Variants in SPOCK3 observed in about 807,000 individuals in gnomAD.
SPOCK3 encodes SPARC (osteonectin), cwcv and kazal like domains proteoglycan 3, also known as testican-3.
SPOCK3 carries 30 observed loss-of-function variants against 56.6 expected under a neutral mutation model. The observed-to-expected ratio is 0.53, with a 90% CI of 0.40 to 0.72. SPOCK3 has a LOEUF of 0.72. Among genes scored for constraint, SPOCK3 ranks in the 30% least tolerant of loss-of-function variants. SPOCK3 has a pLI of 0.00. For synonymous variants in SPOCK3, 196 were observed against 183.3 expected, an observed-to-expected ratio of 1.07 and a Z score of -0.56; for missense variants, 527 against 530.0, an observed-to-expected ratio of 0.99 and a Z score of 0.06.
chr4:166,901,732 TA>T (rs1050333583), intron 5 of SPOCK3, among the ~76,000 whole-genome samples: 3 of 152,228 alleles, frequency 2.0e-5, no homozygotes, highest in Admixed American at 2.0e-4. Context: ...GTTGGATGTA[TA>T]AGGTAGATCT....
At chr4:167,162,185 A>C (rs1458854026) in intron 2 of SPOCK3, among the ~76,000 whole-genome samples, 1 of 152,058 alleles carries the variant, frequency 6.6e-6, no homozygotes, top group African/African-American at 2.4e-5. Context: ...AACCTAGCAC[A>C]AAAAAATACA....
intron 7 of SPOCK3, among the ~76,000 whole-genome samples, chr4:166,770,211 A>T (rs1431384055): frequency 2.0e-5 from 3 of 152,072 alleles, no homozygotes; most frequent in Non-Finnish European, 4.4e-5. Flanking sequence ...ACTGTCCGAT[A>T]AGCCCCAGTG....
chr4:166,960,828 C>T (rs980894314), intron 4 of SPOCK3, among the ~76,000 whole-genome samples: 2 of 152,082 alleles, frequency 1.3e-5, no homozygotes, highest in Non-Finnish European at 2.9e-5. Context: ...AGAAATCCCA[C>T]CTGGTCAGTC....
chr4:166,748,717 A>G lies in SPOCK3; in HGVS notation c.931+5791T>C, dbSNP rs1391201993. Among the ~76,000 whole-genome samples the G allele has an allele frequency of 2.2e-5, 3 of 137,342 alleles. 1 individual carries two copies. The highest frequency in any genetic ancestry group is 2.1e-4 in the Admixed American group (3 of 14,302). 90.1% of individuals were successfully genotyped at this position (137,342 alleles called of 152,430 possible). On this transcript the variant is annotated intron_variant, in intron 8 of 10. Transcript: ENST00000357545. ...AACAGGCAACCTACAGAATGGGAGA[A>G]AATTTTTGCAATCTATTCATCTGAC... is the stretch of plus-strand genomic sequence containing the variant.
chr4:167,110,548 A>G (rs1370242973), intron 2 of SPOCK3, among the ~76,000 whole-genome samples: 1 of 152,074 alleles, frequency 6.6e-6, no homozygotes, highest in African/African-American at 2.4e-5. Context: ...TGAAAGATCA[A>G]TGAACCAAAG....
At chr4:166,771,700 A>G (rs752326289) in intron 7 of SPOCK3, among the ~76,000 whole-genome samples, 28 of 152,066 alleles carry the variant, frequency 1.8e-4, no homozygotes, top group Non-Finnish European at 3.5e-4. Context: ...TTTTATATTG[A>G]TATATGAATT....
intron 7 of SPOCK3, among the ~76,000 whole-genome samples, chr4:166,788,424 A>G (rs1000336978): frequency 6.6e-6 from 1 of 152,156 alleles, no homozygotes; most frequent in East Asian, 1.9e-4. Context: ...TTAAAAAGAT[A>G]AAACACAAAA....
At chr4:166,930,920 C>A (rs999694998) in intron 4 of SPOCK3, among the ~76,000 whole-genome samples, 2 of 151,994 alleles carry the variant, frequency 1.3e-5, no homozygotes, top group Non-Finnish European at 2.9e-5. Flanking sequence ...GGTAAGTGGG[C>A]TATTTTAGGG....
chr4:166,922,070 C>T (rs900129208), intron 4 of SPOCK3, among the ~76,000 whole-genome samples: 4 of 152,046 alleles, frequency 2.6e-5, no homozygotes, highest in Non-Finnish European at 5.9e-5. Context: ...TAGTGCAAAC[C>T]CTATTGTGAA....
At chr4:166,908,210 T>C (rs973566643) in intron 5 of SPOCK3, among the ~76,000 whole-genome samples, 1 of 151,430 alleles carries the variant, frequency 6.6e-6, no homozygotes, top group Non-Finnish European at 1.5e-5. Context: ...AAACTTAAAA[T>C]AGAAAGTTTT....
intron 2 of SPOCK3, among the ~76,000 whole-genome samples, chr4:167,134,115 G>A (rs531641496): frequency 4.4e-5 from 6 of 136,314 alleles, no homozygotes; most frequent in South Asian, 2.4e-4. Context: ...TGCAACCTCC[G>A]CTTCCTTGGT....
At chr4:166,842,386 A>T (rs2126837037) in intron 6 of SPOCK3, among the ~76,000 whole-genome samples, 1 of 152,234 alleles carries the variant, frequency 6.6e-6, no homozygotes, top group African/African-American at 2.4e-5. Context: ...TGATTGGTGC[A>T]TTTACAATCC....
At chr4:166,922,302 T>C (rs1187150640) in intron 4 of SPOCK3, among the ~76,000 whole-genome samples, 1 of 152,140 alleles carries the variant, frequency 6.6e-6, no homozygotes, top group African/African-American at 2.4e-5. Flanking sequence ...GAATTCAGAA[T>C]TTATTTGTGG....
intron 2 of SPOCK3, among the ~76,000 whole-genome samples, chr4:167,187,204 T>A (rs946341806): frequency 5.3e-5 from 8 of 151,964 alleles, no homozygotes; most frequent in African/African-American, 1.9e-4. Flanking sequence ...AACTTCTGTT[T>A]CATCTTTTAC....
rs114352231 is a variant in SPOCK3 at position 166,814,099 on chromosome 4, C to G, written c.590-21810G>C. 4.4e-3 allele frequency among the ~76,000 whole-genome samples: 674 copies of G among 152,122 alleles called. 9 individuals are homozygous for G. The highest frequency in any genetic ancestry group is 0.016 in the African/African-American group (655 of 41,520). ...ACTTTCTGCTTTAGCAGAAAAGAAC[C>G]CTGAAAATCTTCACTAGAGAGTCCT... is the stretch of plus-strand genomic sequence containing the variant. On this transcript the variant is annotated intron_variant, in intron 6 of 10. Coordinates refer to ENST00000357545, the MANE Select transcript of SPOCK3 (RefSeq NM_001040159.2).
chr4:167,109,314 T>A (rs1367945388), intron 2 of SPOCK3, among the ~76,000 whole-genome samples: 1 of 89,058 alleles, frequency 1.1e-5, no homozygotes, highest in Admixed American at 2.0e-4. Context: ...TATTAATATA[T>A]TAATATATTA....
chr4:167,209,823 G>GT (rs1159276617), intron 2 of SPOCK3, among the ~76,000 whole-genome samples: 1 of 152,100 alleles, frequency 6.6e-6, no homozygotes, highest in African/African-American at 2.4e-5. Flanking sequence ...TGTATTTATA[G>GT]TTTTTCTAAA....
intron 3 of SPOCK3, among the ~76,000 whole-genome samples, chr4:167,002,665 A>T (rs919504009): frequency 3.3e-5 from 5 of 152,174 alleles, no homozygotes; most frequent in African/African-American, 1.2e-4. Context: ...GTAAATTGCT[A>T]CAACATTCTT....
chr4:167,067,532 A>G (rs1419398730), intron 2 of SPOCK3, among the ~76,000 whole-genome samples: 1 of 151,824 alleles, frequency 6.6e-6, no homozygotes, highest in Non-Finnish European at 1.5e-5. Flanking sequence ...TGGGTGGGGT[A>G]TAGAATATTC....
Sources: allele counts gnomAD v4.1 joint callset (sites outside exome capture counted in the v4.1 genomes callset), GRCh38; gene constraint gnomAD v4.1.1; transcripts MANE v1.5; gene names NCBI Gene and HGNC (gene_info 2026-07-23, HGNC 2026-07-21).